ARVCF: variants seen among roughly 807,000 people sequenced by gnomAD.
ARVCF encodes ARVCF delta catenin family member.
Under a neutral mutation model 90.9 loss-of-function variants are expected in ARVCF, and 66 were observed. The observed-to-expected ratio is 0.73, with a 90% CI of 0.60 to 0.89. The LOEUF is 0.89. Among genes scored for constraint, ARVCF ranks in the 40% least tolerant of loss-of-function variants. The pLI is 0.00. For synonymous variants in ARVCF, 653 were observed against 603.4 expected (o/e 1.08, Z -1.21); for missense variants, 1,469 against 1,382.3 (o/e 1.06, Z -1.00).
chr22:19,975,789 G>A (rs2146267577), intron 10 of ARVCF, 32 bp from the exon 11 acceptor site: 1 of 1,608,226 alleles, frequency 6.2e-7, no homozygotes, highest in Non-Finnish European at 8.5e-7. Context: ...AGGTGAGGCA[G>A]ACCCCATATG....
chr22:19,972,607 G>A (rs1179272517), intron 16 of ARVCF, 130 bp downstream of exon 16: 20 of 1,174,422 alleles, frequency 1.7e-5, no homozygotes, highest in South Asian at 6.1e-5. Flanking sequence ...AGAGGCAGAG[G>A]GCAGGGAAAG....
chr22:19,975,838 C>T, intron 10 of ARVCF, 81 bp from the exon 11 acceptor site: 1 of 1,467,822 alleles, frequency 6.8e-7, no homozygotes, highest in East Asian at 2.3e-5. Context: ...ACAGTTCTCT[C>T]CTACCCAGGC....
At chr22:19,971,140 G>C in intron 19 of ARVCF, 76 bp downstream of exon 19, 1 of 1,548,162 alleles carries the variant, frequency 6.5e-7, no homozygotes, top group African/African-American at 1.4e-5. Flanking sequence ...AGAGCGTGCA[G>C]GCAGCGGAGA....
At chr22:19,988,634 A>G (rs1943911314) in intron 3 of ARVCF, among the ~76,000 whole-genome samples, 1 of 152,220 alleles carries the variant, frequency 6.6e-6, no homozygotes, top group Non-Finnish European at 1.5e-5. Context: ...CTCAGCCCCC[A>G]GCTACCTGCC....
chr22:19,973,225 C>T lies in ARVCF; in HGVS notation c.2332G>A (p.Ala778Thr), dbSNP rs1418993456. The change falls in exon 14 of 20, where the codon GCG becomes ACG. Residue 778 changes from alanine to threonine, a missense_variant. Coordinates refer to ENST00000263207, the MANE Select transcript of ARVCF (RefSeq NM_001670.3). ...GACLEEDTVV[A>T]VLNTIHEIVS... ...ATTTCGTGGATGGTGTTGAGCACCG[C>T]CACCACGGTGTCTTCCTCCAGGCAG... is the stretch of plus-strand genomic sequence containing the variant. 2 of 1,610,552 alleles carry T rather than the reference C, an allele frequency of 1.2e-6. No homozygotes were observed. The highest frequency in any genetic ancestry group is 2.2e-5 in the East Asian group (1 of 44,788).
chr22:19,979,595 G>C, intron 6 of ARVCF, 148 bp downstream of exon 6: 1 of 1,242,444 alleles, frequency 8.0e-7, no homozygotes, highest in East Asian at 2.6e-5. Flanking sequence ...CTGATGCCTG[G>C]CTCCTGGGGC....
chr22:19,996,592 C>CGTA (rs1431414029), intron 2 of ARVCF, among the ~76,000 whole-genome samples: 1 of 152,200 alleles, frequency 6.6e-6, no homozygotes, highest in Non-Finnish European at 1.5e-5. Flanking sequence ...TAACATACAA[C>CGTA]AACAAAGTGG....
intron 1 of ARVCF, among the ~76,000 whole-genome samples, chr22:20,012,924 G>A (rs944472469): frequency 2.6e-5 from 4 of 152,246 alleles, no homozygotes; most frequent in Admixed American, 1.3e-4. Context: ...TGGGATGGAG[G>A]ATGCAGCCTG....
chr22:20,011,392 TC>T (rs147290469), intron 1 of ARVCF, among the ~76,000 whole-genome samples: 3,568 of 152,110 alleles, frequency 0.023, 66 homozygotes, highest in East Asian at 0.067. Context: ...GAGAGCTCTC[TC>T]CCCCGCCTCT....
chr22:19,976,235 C>T (rs1231515368), intron 10 of ARVCF, among the ~76,000 whole-genome samples: 21 of 152,192 alleles, frequency 1.4e-4, no homozygotes, highest in Admixed American at 1.3e-3. Context: ...AGAAACCCCA[C>T]AGCAGCCCAC....
Position 19,981,600 on chromosome 22 carries a change from C to G in ARVCF, c.507G>C (p.Leu169=). 6.2e-7 allele frequency: 1 copy of G among 1,607,502 alleles called. No homozygotes were observed. The highest frequency in any genetic ancestry group is 8.5e-7 in the Non-Finnish European group (1 of 1,179,632). The change falls in exon 5 of 20, where the codon CTG becomes CTC. Residue 169 remains leucine (L), a synonymous_variant. Transcript: ENST00000263207. ...GTGTGGCCACTGGGCCACCACCACG[C>G]AGCAGGAAATGCCGGTCCAGGGCAC... ...ADGALDRHFL[L]RGGGPVATLS...
At chr22:19,987,507 C>T (rs1297334772) in intron 3 of ARVCF, among the ~76,000 whole-genome samples, 3 of 152,014 alleles carry the variant, frequency 2.0e-5, no homozygotes, top group African/African-American at 7.2e-5. Flanking sequence ...GGTTTGGCCT[C>T]GGTTTATGAC....
At chr22:20,014,869 G>A (rs1389074107) in intron 1 of ARVCF, among the ~76,000 whole-genome samples, 2 of 152,282 alleles carry the variant, frequency 1.3e-5, no homozygotes, top group Non-Finnish European at 2.9e-5. Flanking sequence ...GGGTGAAGGA[G>A]CACAGGGAAC....
chr22:19,970,857 G>C, intron 19 of ARVCF, 114 bp from the exon 20 acceptor site: 1 of 1,233,770 alleles, frequency 8.1e-7, no homozygotes, highest in Non-Finnish European at 1.1e-6. Flanking sequence ...GATGTGGATA[G>C]AAGCATCTGC....
At chr22:19,988,816 C>T (rs538881840) in intron 3 of ARVCF, among the ~76,000 whole-genome samples, 1 of 151,982 alleles carries the variant, frequency 6.6e-6, no homozygotes, top group Non-Finnish European at 1.5e-5. Flanking sequence ...CCTGGCAACA[C>T]ATGCTCTCTT....
chr22:20,005,372 TAA>T (rs34774877), intron 2 of ARVCF, among the ~76,000 whole-genome samples: 4,960 of 136,892 alleles, frequency 0.036, 122 homozygotes, highest in East Asian at 0.073. Context: ...ATGGCTAGTC[TAA>T]AAAAAAAAAA....
intron 6 of ARVCF, 109 bp from the exon 7 acceptor site, chr22:19,979,189 C>T: frequency 8.2e-7 from 1 of 1,226,566 alleles, no homozygotes; most frequent in Non-Finnish European, 1.1e-6. Flanking sequence ...CCAGCTCATG[C>T]AGAACAGTAG....
At chr22:20,014,733 C>T (rs1490944620) in intron 1 of ARVCF, among the ~76,000 whole-genome samples, 2 of 152,216 alleles carry the variant, frequency 1.3e-5, no homozygotes, top group Non-Finnish European at 2.9e-5. Context: ...ATGGGCTGGA[C>T]AGAGGGTGGT....
intron 3 of ARVCF, among the ~76,000 whole-genome samples, chr22:19,986,224 C>A (rs1365133673): frequency 6.6e-6 from 1 of 152,200 alleles, no homozygotes; most frequent in African/African-American, 2.4e-5. Flanking sequence ...AAAACTGGTC[C>A]CTCCACCTCT....
Sources: allele counts gnomAD v4.1 joint callset (sites outside exome capture counted in the v4.1 genomes callset), GRCh38; gene constraint gnomAD v4.1.1; transcripts MANE v1.5; gene names NCBI Gene and HGNC (gene_info 2026-07-23, HGNC 2026-07-21).